The following ZNF385B variants were observed in gnomAD, a reference collection of about 807,000 sequenced individuals.
The protein encoded by ZNF385B is zinc finger protein 385B, also known as zinc finger protein 533.
A neutral mutation model predicts 39.2 loss-of-function variants in ZNF385B; 23 were observed. The ratio of observed to expected loss-of-function variants is 0.59; its 90% CI spans 0.42 to 0.83. ZNF385B has a LOEUF of 0.83. Ranked by LOEUF, ZNF385B falls within the 40% of genes least tolerant of loss-of-function variation. The pLI, the probability that ZNF385B is intolerant of heterozygous loss-of-function variation, is 0.00. For missense variants in ZNF385B, 552 were observed against 598.9 expected, an observed-to-expected ratio of 0.92 and a Z score of 0.82; for synonymous variants, 205 against 222.6, an observed-to-expected ratio of 0.92 and a Z score of 0.70.
Position 179,443,413 on chromosome 2 carries a change from G to T in ZNF385B, c.1298C>A (p.Ser433Tyr), listed in dbSNP as rs561076217. 2 of 1,611,860 alleles carry T rather than the reference G, an allele frequency of 1.2e-6. No homozygotes were observed. Among genetic ancestry groups the T allele is most frequent in the East Asian group, 2.2e-5 (1 of 44,840 alleles). Reference sequence around the variant, plus strand: ...GGCTGCCGCCGCTGCGAGAGGTGAGGACAGGAAGGCTGGGGCCAAAGGCTT... The same window carrying T: ...GGCTGCCGCCGCTGCGAGAGGTGAGTACAGGAAGGCTGGGGCCAAAGGCTT... The part of the protein sequence containing the change: ...MMKPLAPAFL[S>Y]SPLAAAAAVS... The change falls in exon 10 of 10, where the codon TCC becomes TAC. Residue 433 changes from serine (S) to tyrosine (Y), a missense_variant. Coordinates refer to ENST00000410066, the MANE Select transcript of ZNF385B (RefSeq NM_152520.6).
In ZNF385B at chr2:179,446,675, G is replaced by C; in HGVS notation, c.811C>G (p.Pro271Ala). 3 of 1,614,132 alleles carry C rather than the reference G, an allele frequency of 1.9e-6. No individual in the cohort carries two copies. Among genetic ancestry groups the C allele is most frequent in the Non-Finnish European group, 2.5e-6 (3 of 1,180,002 alleles). The change falls in exon 7 of 10, where the codon CCT (proline) becomes GCT (alanine). Residue 271 changes from proline to alanine, a missense_variant. Transcript: ENST00000410066. ...TTGGAGGGAGAAGTGGCTGCTCCAG[G>C]TGGCAGGGGTGTTGTGCCAGATTTG... is the stretch of plus-strand genomic sequence containing the variant. ...LLKSGTTPLP[P>A]GAATSPSKST...
chr2:179,804,228 T>C (rs1706211070), intron 1 of ZNF385B, among the ~76,000 whole-genome samples: 1 of 152,184 alleles, frequency 6.6e-6, no homozygotes, highest in Non-Finnish European at 1.5e-5. Context: ...TACCAGAAGA[T>C]GTACTCACAT....
chr2:179,788,866 G>A (rs142859272), intron 1 of ZNF385B, among the ~76,000 whole-genome samples: 141 of 152,260 alleles, frequency 9.3e-4, no homozygotes, highest in African/African-American at 3.3e-3. Context: ...CTGCAAGTTG[G>A]AGTTGATGTG....
In ZNF385B at chr2:179,683,371, C is replaced by T. The variant is rs184539300; in HGVS notation, c.298+86132G>A. On this transcript the variant is annotated intron_variant, in intron 3 of 9. Transcript: ENST00000410066. Reference sequence around the variant, plus strand: ...TGGCACTGCACTCCAGCCTGGGCAACAGAGTGTCTCAAAAAAGAAAAAAAG... The same window carrying T: ...TGGCACTGCACTCCAGCCTGGGCAATAGAGTGTCTCAAAAAAGAAAAAAAG... Among the ~76,000 whole-genome samples, 83 of 151,786 alleles carry T rather than the reference C, an allele frequency of 5.5e-4. 1 individual carries two copies. The South Asian group carries it at 8.8e-3, about 16-fold the overall frequency.
At chr2:179,794,591 T>G (rs1332026611) in intron 1 of ZNF385B, among the ~76,000 whole-genome samples, 1 of 152,156 alleles carries the variant, frequency 6.6e-6, no homozygotes, top group African/African-American at 2.4e-5. Context: ...TATTAATAAC[T>G]GTTTGATTCT....
At chr2:179,721,027 C>T (rs986449838) in intron 3 of ZNF385B, among the ~76,000 whole-genome samples, 1 of 150,980 alleles carries the variant, frequency 6.6e-6, no homozygotes, top group Non-Finnish European at 1.5e-5. Context: ...CTTCAGCCTC[C>T]CAAAGCACTG....
chr2:179,537,084 G>C (rs1017448974), intron 4 of ZNF385B, among the ~76,000 whole-genome samples: 2 of 151,712 alleles, frequency 1.3e-5, no homozygotes, highest in African/African-American at 4.8e-5. Flanking sequence ...GCTGAGGCGG[G>C]AGGATCACCT....
intron 3 of ZNF385B, among the ~76,000 whole-genome samples, chr2:179,584,445 T>C (rs1026903402): frequency 3.9e-5 from 6 of 152,160 alleles, no homozygotes; most frequent in African/African-American, 1.4e-4. Context: ...GAAAGTTTTC[T>C]GAAGGAGGCA....
At chr2:179,821,725 T>A (rs1298403307) in intron 1 of ZNF385B, among the ~76,000 whole-genome samples, 2 of 152,078 alleles carry the variant, frequency 1.3e-5, no homozygotes, top group African/African-American at 4.8e-5. Flanking sequence ...TAAACTAGCA[T>A]TCTCAGTTCT....
At chr2:179,829,719 T>A (rs1460380480) in intron 1 of ZNF385B, among the ~76,000 whole-genome samples, 1 of 152,158 alleles carries the variant, frequency 6.6e-6, no homozygotes, top group Non-Finnish European at 1.5e-5. Context: ...TTCACCGTGT[T>A]AGCCACGATG....
At chr2:179,531,282 G>A (rs1195552153) in intron 4 of ZNF385B, among the ~76,000 whole-genome samples, 1 of 152,124 alleles carries the variant, frequency 6.6e-6, no homozygotes, top group African/African-American at 2.4e-5. Context: ...AAAAGTATGT[G>A]CCAAACATTG....
chr2:179,732,242 A>G (rs1467389485), intron 3 of ZNF385B, among the ~76,000 whole-genome samples: 1 of 152,240 alleles, frequency 6.6e-6, no homozygotes, highest in African/African-American at 2.4e-5. Flanking sequence ...GGCTCAGCCA[A>G]TTTAGAGCAT....
chr2:179,544,984 A>T lies in ZNF385B; in HGVS notation c.299-15T>A. 2 of 1,613,704 alleles carry T rather than the reference A, an allele frequency of 1.2e-6. No homozygotes were observed. Among genetic ancestry groups the T allele is most frequent in the Non-Finnish European group, 1.7e-6 (2 of 1,179,684 alleles). On this transcript the variant is annotated splice_polypyrimidine_tract_variant and intron_variant, in intron 3 of 9. Transcript: ENST00000410066. Reference sequence around the variant, plus strand: ...GCATGTACTGCCTGCCAAGAACAAAACAAAAATGAATTCAATTTCTTGCTC... The same window carrying T: ...GCATGTACTGCCTGCCAAGAACAAATCAAAAATGAATTCAATTTCTTGCTC...
At chr2:179,575,738 T>A (rs867982548) in intron 3 of ZNF385B, among the ~76,000 whole-genome samples, 1 of 152,128 alleles carries the variant, frequency 6.6e-6, no homozygotes, top group Non-Finnish European at 1.5e-5. Context: ...AATTTCTGCA[T>A]GAAGAATAAG....
intron 5 of ZNF385B, among the ~76,000 whole-genome samples, chr2:179,516,080 A>G (rs138951459): frequency 6.6e-6 from 1 of 150,586 alleles, no homozygotes; most frequent in Non-Finnish European, 1.5e-5. Flanking sequence ...ATTCATCCAC[A>G]TTGTAGCATG....
chr2:179,668,850 C>T (rs1304791056), intron 3 of ZNF385B, among the ~76,000 whole-genome samples: 1 of 152,114 alleles, frequency 6.6e-6, no homozygotes, highest in African/African-American at 2.4e-5. Flanking sequence ...CCATCTGAAG[C>T]ACTTTACCCT....
At chr2:179,690,492 G>A (rs1559093989) in intron 3 of ZNF385B, among the ~76,000 whole-genome samples, 1 of 152,126 alleles carries the variant, frequency 6.6e-6, no homozygotes, top group Non-Finnish European at 1.5e-5. Flanking sequence ...GCATTTGGTT[G>A]GAAAAAGCCA....
At chr2:179,614,494 A>G (rs1182729245) in intron 3 of ZNF385B, among the ~76,000 whole-genome samples, 1 of 152,198 alleles carries the variant, frequency 6.6e-6, no homozygotes, top group Non-Finnish European at 1.5e-5. Flanking sequence ...ATATTGTCTG[A>G]AAGGGGTTTT....
At chr2:179,822,717 G>A (rs1245702019) in intron 1 of ZNF385B, among the ~76,000 whole-genome samples, 4 of 152,168 alleles carry the variant, frequency 2.6e-5, no homozygotes, top group Non-Finnish European at 1.5e-5. Flanking sequence ...AAAGGCCAAA[G>A]AGCCCAGATC....
Sources: allele counts gnomAD v4.1 joint callset (sites outside exome capture counted in the v4.1 genomes callset), GRCh38; gene constraint gnomAD v4.1.1; transcripts MANE v1.5; gene names NCBI Gene and HGNC (gene_info 2026-07-23, HGNC 2026-07-21).